The following CMTM8 variants were observed in gnomAD, a reference collection of about 807,000 sequenced individuals.
The protein encoded by CMTM8 is CKLF-like MARVEL transmembrane domain-containing protein 8.
CMTM8 carries 12 observed loss-of-function variants against 18.6 expected under a neutral mutation model. The observed-to-expected ratio is 0.65, with a 90% CI of 0.41 to 1.05. The LOEUF (loss-of-function observed/expected upper bound fraction) is 1.05. CMTM8 is among the 50% of genes least tolerant of loss of function. CMTM8 has a pLI of 0.00. For missense variants in CMTM8, 217 were observed against 227.2 expected (o/e 0.95, Z 0.29); for synonymous variants, 87 against 90.6 (o/e 0.96, Z 0.23).
intron 1 of CMTM8, among the ~76,000 whole-genome samples, chr3:32,301,125 G>A (rs564293334): frequency 1.3e-5 from 2 of 152,274 alleles, no homozygotes; most frequent in South Asian, 4.1e-4. Flanking sequence ...AGGAGCATCA[G>A]GGGTACTGCT....
chr3:32,288,358 G>A (rs1314238593), intron 1 of CMTM8, among the ~76,000 whole-genome samples: 3 of 152,032 alleles, frequency 2.0e-5, no homozygotes, highest in African/African-American at 2.4e-5. Context: ...ATCGCCCACC[G>A]TAACCTTGAA....
intron 1 of CMTM8, among the ~76,000 whole-genome samples, chr3:32,304,253 C>T (rs1185485787): frequency 6.6e-6 from 1 of 152,188 alleles, no homozygotes; most frequent in Non-Finnish European, 1.5e-5. Context: ...ACCCTATTCT[C>T]ATGTAAAAGT....
intron 1 of CMTM8, among the ~76,000 whole-genome samples, chr3:32,275,629 C>T (rs539741991): frequency 1.3e-5 from 2 of 149,282 alleles, no homozygotes; most frequent in African/African-American, 4.9e-5. Context: ...AGCACAAAGG[C>T]CCCCCATGTA....
chr3:32,340,129 T>C (rs962536519), intron 1 of CMTM8, among the ~76,000 whole-genome samples: 10 of 152,238 alleles, frequency 6.6e-5, no homozygotes, highest in Admixed American at 6.5e-4. Flanking sequence ...CTGGTACTAA[T>C]GGGTGAGAGT....
At chr3:32,300,586 C>G (rs1446094555) in intron 1 of CMTM8, among the ~76,000 whole-genome samples, 1 of 152,184 alleles carries the variant, frequency 6.6e-6, no homozygotes, top group Non-Finnish European at 1.5e-5. Context: ...TGAGCCCTAA[C>G]ACTGTTCCAA....
At chr3:32,242,452 AGC>A (rs1185579033) in intron 1 of CMTM8, among the ~76,000 whole-genome samples, 2 of 151,788 alleles carry the variant, frequency 1.3e-5, no homozygotes, top group African/African-American at 4.8e-5. Flanking sequence ...CTCCCAAGCC[AGC>A]TGTGACCACA....
At chr3:32,356,141 G>A (rs12636401) in intron 1 of CMTM8, among the ~76,000 whole-genome samples, 33,921 of 152,158 alleles carry the variant, frequency 0.22, 3,969 homozygotes, top group East Asian at 0.37. Flanking sequence ...AGGTGCTCCC[G>A]TGTTAAACAA....
In CMTM8 at chr3:32,321,594, T is replaced by G. The variant is rs113182798; in HGVS notation, c.148-35779T>G. 2.6e-3 allele frequency among the ~76,000 whole-genome samples: 396 copies of G among 152,126 alleles called. 1 individual carries two copies. Among genetic ancestry groups the G allele is most frequent in the Middle Eastern group, 0.02 (6 of 294 alleles). On this transcript the variant is annotated intron_variant, in intron 1 of 3. Coordinates refer to ENST00000307526, the MANE Select transcript of CMTM8 (RefSeq NM_178868.5). ...GGAACCAGATCATGCCTGCTGCCTG[T>G]TTTTAGATTTTCTTTTTTTAAAGAC...
At chr3:32,319,143 A>G (rs367956500) in intron 1 of CMTM8, among the ~76,000 whole-genome samples, 2 of 137,242 alleles carry the variant, frequency 1.5e-5, no homozygotes, top group African/African-American at 5.5e-5. Flanking sequence ...CAATGGCACA[A>G]TCTCAGCTCA....
chr3:32,293,705 G>A (rs1280427407), intron 1 of CMTM8, among the ~76,000 whole-genome samples: 6 of 152,118 alleles, frequency 3.9e-5, no homozygotes, highest in Non-Finnish European at 8.8e-5. Flanking sequence ...AATTAGCCAG[G>A]TGTAGTGGCA....
intron 1 of CMTM8, among the ~76,000 whole-genome samples, chr3:32,318,400 T>A (rs1437598738): frequency 6.6e-6 from 1 of 152,010 alleles, no homozygotes; most frequent in African/African-American, 2.4e-5. Context: ...CATAAAGATG[T>A]TTGCAGCAAG....
intron 1 of CMTM8, among the ~76,000 whole-genome samples, chr3:32,348,529 C>CTTT (rs56252781): frequency 2.0e-5 from 2 of 102,034 alleles, no homozygotes; most frequent in African/African-American, 3.5e-5. Context: ...CTTCCTGGAA[C>CTTT]TTTTTTTTTT....
intron 1 of CMTM8, among the ~76,000 whole-genome samples, chr3:32,357,075 G>A (rs1020790548): frequency 2.0e-5 from 3 of 152,102 alleles, no homozygotes; most frequent in Non-Finnish European, 2.9e-5. Flanking sequence ...TGGGGTATAT[G>A]CATGAAAGTT....
chr3:32,354,797 T>C (rs1696783355), intron 1 of CMTM8, among the ~76,000 whole-genome samples: 1 of 152,184 alleles, frequency 6.6e-6, no homozygotes, highest in Admixed American at 6.5e-5. Flanking sequence ...CTATTACCAG[T>C]CTTACTGATC....
At chr3:32,270,637 A>G (rs923215954) in intron 1 of CMTM8, among the ~76,000 whole-genome samples, 6 of 151,936 alleles carry the variant, frequency 3.9e-5, no homozygotes, top group South Asian at 2.1e-4. Flanking sequence ...ACCAAACACC[A>G]CATGTTCTCA....
intron 1 of CMTM8, among the ~76,000 whole-genome samples, chr3:32,306,690 A>AAGTATCC (rs1695723292): frequency 6.6e-6 from 1 of 152,248 alleles, no homozygotes; most frequent in South Asian, 2.1e-4. Context: ...GGAACAGCAG[A>AAGTATCC]AGATGAGACT....
At chr3:32,313,062 T>C (rs1036269567) in intron 1 of CMTM8, among the ~76,000 whole-genome samples, 5 of 152,024 alleles carry the variant, frequency 3.3e-5, no homozygotes, top group African/African-American at 1.2e-4. Flanking sequence ...TATCACACCA[T>C]GTAAGGTAAC....
chr3:32,279,873 A>C (rs1020593197), intron 1 of CMTM8, among the ~76,000 whole-genome samples: 1 of 146,392 alleles, frequency 6.8e-6, no homozygotes, highest in Non-Finnish European at 1.5e-5. Flanking sequence ...TTGCCATTCT[A>C]ACTGGTGTGA....
intron 1 of CMTM8, among the ~76,000 whole-genome samples, chr3:32,256,317 G>A: frequency 6.6e-6 from 1 of 152,058 alleles, no homozygotes; most frequent in East Asian, 1.9e-4. Flanking sequence ...GAAGCCTTCT[G>A]CCTCGGCTTC....
Sources: gnomAD v4.1 joint callset for allele counts (sites outside exome capture counted in the v4.1 genomes callset) on GRCh38, gnomAD v4.1.1 for gene constraint, MANE v1.5 for transcripts, NCBI Gene and HGNC (gene_info 2026-07-23, HGNC 2026-07-21) for gene names.